Variants in SUPT3H observed in about 807,000 individuals in gnomAD.
The protein encoded by SUPT3H is SPT3 homolog, SAGA and STAGA complex component.
SUPT3H carries 44 observed loss-of-function variants against 44.3 expected under a neutral mutation model. The ratio of observed to expected loss-of-function variants is 0.99; its 90% CI spans 0.78 to 1.28. The LOEUF (loss-of-function observed/expected upper bound fraction) is 1.28. Among genes scored for constraint, SUPT3H ranks in the 50% most tolerant of loss-of-function variants. The probability of loss-of-function intolerance (pLI) is 0.00; values close to 1 mark genes in which losing one functional copy is unlikely to be tolerated. For synonymous variants in SUPT3H, 124 were observed against 125.6 expected (o/e 0.99, Z 0.09); for missense variants, 380 against 387.1 (o/e 0.98, Z 0.15).
intron 2 of SUPT3H, among the ~76,000 whole-genome samples, chr6:45,295,278 G>A (rs1562897299): frequency 6.6e-6 from 1 of 151,720 alleles, no homozygotes; most frequent in Non-Finnish European, 1.5e-5. Flanking sequence ...TGGGATACTA[G>A]GCTAGCCACA....
chr6:44,894,540 G>A (rs950089263), intron 10 of SUPT3H, among the ~76,000 whole-genome samples: 46 of 152,160 alleles, frequency 3.0e-4, no homozygotes, highest in African/African-American at 1.0e-3. Flanking sequence ...GTAGATATGC[G>A]GTGTTATTTC....
At chr6:44,871,058 A>G (rs1251785355) in intron 10 of SUPT3H, among the ~76,000 whole-genome samples, 96 of 149,228 alleles carry the variant, frequency 6.4e-4, no homozygotes, top group Middle Eastern at 7.1e-3. Flanking sequence ...CAAGGCGGCA[A>G]CGAGGCTGGG....
intron 2 of SUPT3H, among the ~76,000 whole-genome samples, chr6:45,285,002 T>A (rs1351181229): frequency 6.6e-6 from 1 of 151,990 alleles, no homozygotes; most frequent in Non-Finnish European, 1.5e-5. Flanking sequence ...CACACGATTA[T>A]CTCAATAGAT....
intron 3 of SUPT3H, among the ~76,000 whole-genome samples, chr6:45,040,395 G>A (rs1208475122): frequency 6.6e-6 from 1 of 152,112 alleles, no homozygotes; most frequent in Non-Finnish European, 1.5e-5. Context: ...AGACTTTATT[G>A]CAATCTACAT....
chr6:45,009,010 G>A (rs1161657086), intron 5 of SUPT3H, among the ~76,000 whole-genome samples: 1 of 152,028 alleles, frequency 6.6e-6, no homozygotes, highest in African/African-American at 2.4e-5. Context: ...TCAAGTGCTG[G>A]GATTATTTAT....
At chr6:44,891,911 C>G (rs1326268307) in intron 10 of SUPT3H, among the ~76,000 whole-genome samples, 6 of 151,628 alleles carry the variant, frequency 4.0e-5, no homozygotes, top group Admixed American at 3.9e-4. Flanking sequence ...TCACTGTAAA[C>G]TTTTATCAAC....
At chr6:44,912,443 T>G (rs781275026) in intron 10 of SUPT3H, among the ~76,000 whole-genome samples, 9 of 152,242 alleles carry the variant, frequency 5.9e-5, no homozygotes, top group Non-Finnish European at 1.2e-4. Context: ...TAATATTTCA[T>G]TGTATGTATA....
chr6:45,211,833 G>GC (rs1483873047), intron 2 of SUPT3H, among the ~76,000 whole-genome samples: 4 of 149,522 alleles, frequency 2.7e-5, no homozygotes, highest in African/African-American at 7.4e-5. Context: ...TGGCGACACA[G>GC]CAAGACTCCG....
At chr6:44,821,867 C>A (rs756441955), downstream of SUPT3H, among the ~76,000 whole-genome samples, 2 of 152,110 alleles carry the variant, frequency 1.3e-5, no homozygotes, top group Non-Finnish European at 2.9e-5. Flanking sequence ...GTACAGAAAG[C>A]AACGATTACC....
chr6:45,226,476 G>A (rs1381713257), intron 2 of SUPT3H, among the ~76,000 whole-genome samples: 1 of 152,118 alleles, frequency 6.6e-6, no homozygotes, highest in Non-Finnish European at 1.5e-5. Context: ...GCCGAGGTGG[G>A]AGGACTGCTT....
intron 2 of SUPT3H, among the ~76,000 whole-genome samples, chr6:45,263,459 C>CA (rs1562820170): frequency 6.6e-6 from 1 of 152,032 alleles, no homozygotes; most frequent in East Asian, 1.9e-4. Context: ...AAGATGGCAA[C>CA]AACAGAAGGT....
intron 5 of SUPT3H, among the ~76,000 whole-genome samples, chr6:45,004,583 A>G (rs1278158012): frequency 1.3e-5 from 2 of 152,042 alleles, no homozygotes; most frequent in Non-Finnish European, 2.9e-5. Context: ...ATATTAAAAT[A>G]TCACATATCA....
chr6:45,158,269 AATATAC>A (rs1808225471), intron 2 of SUPT3H, among the ~76,000 whole-genome samples: 1 of 101,192 alleles, frequency 9.9e-6, no homozygotes, highest in African/African-American at 4.1e-5. Flanking sequence ...TATATATATA[AATATAC>A]ATATATATAT....
At chr6:44,848,843 C>T (rs778674757) in intron 10 of SUPT3H, among the ~76,000 whole-genome samples, 4 of 152,136 alleles carry the variant, frequency 2.6e-5, no homozygotes, top group South Asian at 4.1e-4. Flanking sequence ...ACTCAGGACT[C>T]GAAACAATGA....
chr6:45,165,695 A>AT (rs1335171215), intron 2 of SUPT3H, among the ~76,000 whole-genome samples: 6 of 152,228 alleles, frequency 3.9e-5, no homozygotes, highest in Non-Finnish European at 8.8e-5. Flanking sequence ...AAAAAACAGA[A>AT]TATCAGAGAT....
At chr6:44,988,613 A>C (rs776448493) in intron 6 of SUPT3H, among the ~76,000 whole-genome samples, 8 of 151,292 alleles carry the variant, frequency 5.3e-5, no homozygotes, top group Non-Finnish European at 1.0e-4. Flanking sequence ...TGTTAAATAA[A>C]AATTTTCCTA....
At chr6:45,155,899 A>G (rs1180513487) in intron 2 of SUPT3H, among the ~76,000 whole-genome samples, 3 of 152,128 alleles carry the variant, frequency 2.0e-5, no homozygotes, top group Non-Finnish European at 2.9e-5. Context: ...TGATAGGCCA[A>G]TCTACCCAAA....
At chr6:45,365,449 T>A in intron 1 of SUPT3H, 148 bp from the exon 2 acceptor site, 1 of 566,228 alleles carries the variant, frequency 1.8e-6, no homozygotes, top group Non-Finnish European at 3.1e-6. Context: ...CACTTATACT[T>A]AATGTTCTTT....
At chr6:45,253,183 GAATT>G (rs1409760392) in intron 2 of SUPT3H, among the ~76,000 whole-genome samples, 5 of 151,730 alleles carry the variant, frequency 3.3e-5, no homozygotes, top group Non-Finnish European at 7.4e-5. Flanking sequence ...AAAAAACAAA[GAATT>G]AAAGAATTTC....
Sources: gnomAD v4.1 joint callset for allele counts (sites outside exome capture counted in the v4.1 genomes callset) on GRCh38, gnomAD v4.1.1 for gene constraint, MANE v1.5 for transcripts, NCBI Gene and HGNC (gene_info 2026-07-23, HGNC 2026-07-21) for gene names.